The following CDH11 variants were observed in gnomAD, a reference collection of about 807,000 sequenced individuals.
CDH11 encodes cadherin 11, also known as cadherin-11.
Under a neutral mutation model 67.8 loss-of-function variants are expected in CDH11, and 11 were observed. That is an observed-to-expected ratio of 0.16 (90% CI 0.10 to 0.27). The LOEUF is 0.27. Among genes scored for constraint, CDH11 ranks in the 10% least tolerant of loss-of-function variants. The pLI, the probability that CDH11 is intolerant of heterozygous loss-of-function variation, is 1.00. For synonymous variants in CDH11, 419 were observed against 400.0 expected (o/e 1.05, Z -0.57); for missense variants, 847 against 1,031.2 (o/e 0.82, Z 2.45).
Position 65,004,975 on chromosome 16 carries a change from C to G in CDH11, c.-106G>C. 7.0e-7 allele frequency: 1 copy of G among 1,428,424 alleles called. No individual in the cohort carries two copies. Among genetic ancestry groups the G allele is most frequent in the Admixed American group, 3.0e-5 (1 of 32,788 alleles). 88.5% of individuals were successfully genotyped at this position (1,428,424 alleles called of 1,614,324 possible). A position where few individuals can be genotyped will look rare whatever the true frequency, so the allele number is the denominator to read the frequency against. The stretch of plus-strand genomic sequence containing the variant: ...TCCCGGACGCGTCACGCAGACCTCT[C>G]TTGGGATGGAATGTCTCTGCTGGTT... On this transcript the variant is annotated 5_prime_UTR_variant, in exon 3 of 13. Transcript: ENST00000268603.
At chr16:64,993,077 T>C in intron 4 of CDH11, 43 bp from the exon 5 acceptor site, 1 of 1,537,876 alleles carries the variant, frequency 6.5e-7, no homozygotes, top group Non-Finnish European at 9.0e-7. Context: ...TCCTCAGATT[T>C]TCAAATTATG....
chr16:65,091,493 T>C (rs1046911630), intron 1 of CDH11, among the ~76,000 whole-genome samples: 2 of 152,148 alleles, frequency 1.3e-5, no homozygotes, highest in African/African-American at 4.8e-5. Context: ...TGATTACTGT[T>C]GTTACAATAG....
At chr16:65,052,733 A>G (rs895014718) in intron 2 of CDH11, among the ~76,000 whole-genome samples, 25 of 152,242 alleles carry the variant, frequency 1.6e-4, no homozygotes, top group African/African-American at 6.0e-4. Context: ...GTTGGAGCTG[A>G]TAAGGGAGAA....
At position 64,946,802 on chromosome 16, in the gene CDH11, T is replaced by G; in HGVS notation, c.*801A>C. ...GAATTAAAAAAAAATCTTTTTTTAT[T>G]TCAAAGATTGCTTCTTATATTGAAG... On this transcript the variant is annotated 3_prime_UTR_variant, in exon 13 of 13. Transcript: ENST00000268603. 1.1e-6 allele frequency: 1 copy of G among 885,892 alleles called. No homozygotes were observed. Among genetic ancestry groups the G allele is most frequent in the Non-Finnish European group, 1.4e-6 (1 of 728,052 alleles). 54.9% of individuals were successfully genotyped at this position (885,892 alleles called of 1,614,324 possible).
chr16:64,971,189 T>C (rs955502034), intron 11 of CDH11, among the ~76,000 whole-genome samples: 2 of 152,242 alleles, frequency 1.3e-5, no homozygotes, highest in Non-Finnish European at 2.9e-5. Context: ...AGCTGAAAGA[T>C]TAAATTGCCT....
chr16:65,119,527 T>C (rs8063240), intron 1 of CDH11, among the ~76,000 whole-genome samples: 1 of 152,134 alleles, frequency 6.6e-6, no homozygotes, highest in African/African-American at 2.4e-5. Context: ...CTGCTTCAGT[T>C]AGAACTATTT....
At chr16:64,972,117 G>T (rs1175960398) in intron 9 of CDH11, 53 bp from the exon 10 acceptor site, 7 of 1,536,002 alleles carry the variant, frequency 4.6e-6, no homozygotes, top group South Asian at 1.1e-5. Flanking sequence ...AATACACATT[G>T]GTCCAGGCAT....
chr16:65,004,252 A>G (rs2072993867), intron 3 of CDH11, among the ~76,000 whole-genome samples: 1 of 152,156 alleles, frequency 6.6e-6, no homozygotes, highest in African/African-American at 2.4e-5. Context: ...ATGAACCTGT[A>G]GTCCCAGCTA....
At chr16:65,089,050 T>C (rs2074748143) in intron 1 of CDH11, among the ~76,000 whole-genome samples, 1 of 152,214 alleles carries the variant, frequency 6.6e-6, no homozygotes, top group Admixed American at 6.5e-5. Flanking sequence ...TTTTTGTCAT[T>C]TTCTTCCTTC....
chr16:65,030,220 A>G (rs1191259600), intron 2 of CDH11, among the ~76,000 whole-genome samples: 36 of 152,222 alleles, frequency 2.4e-4, no homozygotes, highest in Non-Finnish European at 2.9e-5. Context: ...AAACTGAATT[A>G]CAGGACCCCC....
At chr16:65,122,315 T>G, upstream of CDH11, 1 of 293,142 alleles carries the variant, frequency 3.4e-6, no homozygotes, top group Non-Finnish European at 6.5e-6. Flanking sequence ...TGGCCGCCCC[T>G]CCCGCCCCGT....
At chr16:65,110,171 T>C (rs895229295) in intron 1 of CDH11, among the ~76,000 whole-genome samples, 7 of 152,180 alleles carry the variant, frequency 4.6e-5, no homozygotes, top group African/African-American at 1.7e-4. Context: ...GCACCCAGCC[T>C]ATTCAATGTT....
At chr16:65,068,306 T>C (rs766425170) in intron 1 of CDH11, among the ~76,000 whole-genome samples, 3 of 151,570 alleles carry the variant, frequency 2.0e-5, no homozygotes, top group Non-Finnish European at 4.4e-5. Flanking sequence ...TCCTCTCTTC[T>C]TCAGCACACA....
upstream of CDH11, chr16:65,122,071 C>T (rs1009929789): frequency 2.1e-6 from 1 of 478,892 alleles, no homozygotes; most frequent in Non-Finnish European, 3.9e-6. Context: ...AATGAGCCGC[C>T]GAGCGCGCTA....
At chr16:65,010,190 C>T (rs776939365) in intron 2 of CDH11, among the ~76,000 whole-genome samples, 9 of 152,226 alleles carry the variant, frequency 5.9e-5, no homozygotes, top group Non-Finnish European at 1.2e-4. Flanking sequence ...AATATTACCA[C>T]GGCCCACACC....
chr16:65,065,195 G>A (rs1247379059), intron 1 of CDH11, among the ~76,000 whole-genome samples: 1 of 152,126 alleles, frequency 6.6e-6, no homozygotes, highest in East Asian at 1.9e-4. Flanking sequence ...AGGAAAGTAG[G>A]TCTTCACAAA....
At chr16:65,007,388 A>G (rs779473866) in intron 2 of CDH11, among the ~76,000 whole-genome samples, 3 of 152,210 alleles carry the variant, frequency 2.0e-5, no homozygotes, top group Non-Finnish European at 4.4e-5. Context: ...GTAAAAGGCT[A>G]CGTGGGAGAG....
chr16:65,112,400 C>T (rs1427515383), intron 1 of CDH11, among the ~76,000 whole-genome samples: 1 of 152,156 alleles, frequency 6.6e-6, no homozygotes, highest in Non-Finnish European at 1.5e-5. Flanking sequence ...TCCCAAACCA[C>T]CATTGATCAC....
chr16:64,998,893 A>G, intron 3 of CDH11, 37 bp from the exon 4 acceptor site: 1 of 1,583,548 alleles, frequency 6.3e-7, no homozygotes, highest in Non-Finnish European at 8.7e-7. Flanking sequence ...TAATTCCATG[A>G]GGAAAGCAGT....
Sources: gnomAD v4.1 joint callset for allele counts (sites outside exome capture counted in the v4.1 genomes callset) on GRCh38, gnomAD v4.1.1 for gene constraint, MANE v1.5 for transcripts, NCBI Gene and HGNC (gene_info 2026-07-23, HGNC 2026-07-21) for gene names.